The following MYOM3 variants were observed in gnomAD, a reference collection of about 807,000 sequenced individuals.
MYOM3 encodes myomesin-3.
Under a neutral mutation model 191.7 loss-of-function variants are expected in MYOM3, and 155 were observed. The observed-to-expected ratio is 0.81, with a 90% CI of 0.71 to 0.92. MYOM3 has a LOEUF of 0.92. Among genes scored for constraint, MYOM3 ranks in the 40% least tolerant of loss-of-function variants. The pLI, the probability that MYOM3 is intolerant of heterozygous loss-of-function variation, is 0.00. For missense variants in MYOM3, 1,889 were observed against 1,890.6 expected (o/e 1.00, Z 0.02); for synonymous variants, 757 against 762.9 (o/e 0.99, Z 0.13).
chr1:24,071,956 A>G lies in MYOM3; in HGVS notation c.3013+13T>C. ...GAACTGCACAAGGCTGGTAGCTTGG[A>G]CTGCTTGCTTACCTGGGTTTCTGAT... On this transcript the variant is annotated intron_variant, in intron 24 of 36. Coordinates refer to ENST00000374434, the MANE Select transcript of MYOM3 (RefSeq NM_152372.4). 6.2e-7 allele frequency: 1 copy of G among 1,613,812 alleles called. No individual in the cohort carries two copies. The highest frequency in any genetic ancestry group is 8.5e-7 in the Non-Finnish European group (1 of 1,179,840).
intron 11 of MYOM3, among the ~76,000 whole-genome samples, chr1:24,091,969 T>A (rs1422435515): frequency 1.3e-5 from 2 of 152,182 alleles, no homozygotes; most frequent in Non-Finnish European, 2.9e-5. Flanking sequence ...AGAATTCCAG[T>A]TATCAGCATG....
chr1:24,068,366 T>G lies in MYOM3; in HGVS notation c.3152A>C (p.Asn1051Thr). ...FNNKEIFSSPNRKINFDREKG... is the reference protein window; with the variant it reads ...FNNKEIFSSPTRKINFDREKG... ...CTCTCGGTCAAAATTGATTTTGCGG[T>G]TCTGAAAAGGACAAACTCCAGAGTC... Residue 1051 changes from asparagine (N) to threonine (T), a missense_variant and splice_region_variant, in exon 26 of 37, where the codon AAC becomes ACC. By Grantham distance (65) the Asn-to-Thr change is moderately conservative (BLOSUM62 0). Coordinates refer to ENST00000374434, the MANE Select transcript of MYOM3 (RefSeq NM_152372.4). The G allele has an allele frequency of 6.2e-7, 1 of 1,614,184 alleles. No individual in the cohort carries two copies. The highest frequency in any genetic ancestry group is 8.5e-7 in the Non-Finnish European group (1 of 1,180,006).
chr1:24,080,782 T>A (rs1243982591), intron 19 of MYOM3, among the ~76,000 whole-genome samples: 1 of 152,188 alleles, frequency 6.6e-6, no homozygotes, highest in Non-Finnish European at 1.5e-5. Context: ...TATCTGCCAC[T>A]GAGGTAGAGG....
rs750713879 is a variant in MYOM3 at position 24,057,446 on chromosome 1, T to C, written c.4232A>G (p.Asn1411Ser). The C allele has an allele frequency of 5.6e-6, 9 of 1,614,230 alleles. No individual in the cohort carries two copies. In the African/African-American group the frequency reaches 1.1e-4, roughly 19 times the overall value. ...CTGGCCCGTCTCGGAGCCATACTTG[T>C]TCTTGACGAAGACGCCGTAGCGGCC... Reference protein sequence around the residue: ...DSGRYGVFVKNKYGSETGQVT... With the variant: ...DSGRYGVFVKSKYGSETGQVT... Residue 1411 changes from asparagine (N) to serine (S), a missense_variant, in exon 37 of 37, where the codon AAC (asparagine) becomes AGC (serine). Coordinates refer to ENST00000374434, the MANE Select transcript of MYOM3 (RefSeq NM_152372.4).
At chr1:24,107,966 G>C (rs1475833908) in intron 3 of MYOM3, 27 bp downstream of exon 3, 1 of 1,601,086 alleles carries the variant, frequency 6.2e-7, no homozygotes, top group South Asian at 1.1e-5. Flanking sequence ...CTCAGCCACG[G>C]CTCCCTGGGA....
intron 14 of MYOM3, 40 bp from the exon 15 acceptor site, chr1:24,086,867 C>A (rs754171898): frequency 1.3e-6 from 2 of 1,593,006 alleles, no homozygotes; most frequent in Non-Finnish European, 8.6e-7. Flanking sequence ...AACTGGTCGC[C>A]CAGACCGGCT....
intron 22 of MYOM3, 129 bp from the exon 23 acceptor site, chr1:24,074,398 G>T: frequency 1.5e-6 from 1 of 649,064 alleles, no homozygotes; most frequent in Non-Finnish European, 2.7e-6. Context: ...GCCAAGTCAG[G>T]AAGCACAGGC....
At position 24,082,249 on chromosome 1, in the gene MYOM3, G is replaced by C. The variant is rs1377131811; in HGVS notation, c.2093-61C>G. ...CTAGGGGTGGCTGGATTGGACAGTG[G>C]GGCCTGAGGGAGCTGACGAGCCTCC... On this transcript the variant is annotated intron_variant, in intron 17 of 36. Coordinates refer to ENST00000374434, the MANE Select transcript of MYOM3 (RefSeq NM_152372.4). 1.5e-5 allele frequency: 21 copies of C among 1,434,620 alleles called. No homozygotes were observed. The East Asian group carries it at 4.9e-4, about 34-fold the overall frequency. The allele number at this position is 1,434,620 out of a possible 1,614,324, so 88.9% of individuals were successfully genotyped here. A position where few individuals can be genotyped will look rare whatever the true frequency, so the allele number is the denominator to read the frequency against.
intron 21 of MYOM3, 86 bp from the exon 22 acceptor site, chr1:24,075,561 C>T: frequency 7.3e-7 from 1 of 1,367,164 alleles, no homozygotes; most frequent in Non-Finnish European, 9.8e-7. Context: ...CCTCCAGGGC[C>T]TGCCTGTTGC....
chr1:24,067,839 G>A, intron 27 of MYOM3, 131 bp downstream of exon 27: 3 of 864,790 alleles, frequency 3.5e-6, no homozygotes, highest in Non-Finnish European at 5.8e-6. Flanking sequence ...CACTGGGACA[G>A]AACTGGACTG....
intron 27 of MYOM3, 53 bp from the exon 28 acceptor site, chr1:24,067,141 G>A (rs1212217171): frequency 2.0e-6 from 3 of 1,531,684 alleles, no homozygotes; most frequent in Admixed American, 3.9e-5. Context: ...CTCAGCCAGG[G>A]TGCCACCTGT....
At chr1:24,071,063 G>A in intron 25 of MYOM3, 54 bp downstream of exon 25, 2 of 1,592,974 alleles carry the variant, frequency 1.3e-6, no homozygotes, top group Non-Finnish European at 8.6e-7. Context: ...CATCCCGCGA[G>A]GCCACCTCCC....
intron 22 of MYOM3, among the ~76,000 whole-genome samples, chr1:24,074,476 C>G (rs1451081414): frequency 6.6e-6 from 1 of 152,202 alleles, no homozygotes; most frequent in East Asian, 1.9e-4. Flanking sequence ...ATTATCTGGG[C>G]TCTCTGGCAC....
In MYOM3 at chr1:24,063,227, A is replaced by G. The variant is rs1643393584; in HGVS notation, c.3669T>C (p.Ser1223=). 6.2e-7 allele frequency: 1 copy of G among 1,613,480 alleles called. No individual in the cohort carries two copies. ...FTELGRIGAL[S]ATPLKIQGTE... ...TCCCCTGGATTTTCAGTGGAGTTGC[A>G]GAGAGGGCTGGGGAGACAGAGGAGA... The change falls in exon 32 of 37, where the codon TCT becomes TCC. Residue 1223 remains serine, a synonymous_variant. Transcript: ENST00000374434. The surrounding 1 kb of genome is among the most constrained non-coding windows in gnomAD (Gnocchi z 4.5).
At chr1:24,062,939 A>G (rs1479538045) in intron 32 of MYOM3, among the ~76,000 whole-genome samples, 187 bp downstream of exon 32, 2 of 151,992 alleles carry the variant, frequency 1.3e-5, no homozygotes, top group African/African-American at 4.8e-5. Flanking sequence ...CTCTATCCTC[A>G]ACTCCTTCTG....
At chr1:24,062,897 G>A (rs563144369) in intron 32 of MYOM3, among the ~76,000 whole-genome samples, 33 of 152,240 alleles carry the variant, frequency 2.2e-4, no homozygotes, top group South Asian at 8.3e-4. Context: ...TGGGGATCTC[G>A]GCAAAGCCTT....
At chr1:24,084,755 C>T in intron 15 of MYOM3, 116 bp from the exon 16 acceptor site, 2 of 955,238 alleles carry the variant, frequency 2.1e-6, no homozygotes, top group Middle Eastern at 3.4e-4. Context: ...AATCAAGGTG[C>T]ATGAATTCCT....
Position 24,074,245 on chromosome 1 carries a change from G to A in MYOM3, c.2883C>T (p.Pro961=), listed in dbSNP as rs1273323576. The change falls in exon 23 of 37, where the codon CCC becomes CCT. Residue 961 remains proline (P), a synonymous_variant. Coordinates refer to ENST00000374434, the MANE Select transcript of MYOM3 (RefSeq NM_152372.4). ...VNKSKVILKE[P]GLEDLGTYSV... ...AGTAGGTGCCCAAATCCTCGAGGCC[G>A]GGTTCTTTCAGGATGACCTTGGACC... 2.5e-6 allele frequency: 4 copies of A among 1,614,050 alleles called. No individual in the cohort carries two copies. The highest frequency in any genetic ancestry group is 3.3e-5 in the Admixed American group (2 of 60,016).
rs1319938220 is a variant in MYOM3 at position 24,063,554 on chromosome 1, T to G, written c.3623-24A>C. 13 of 1,613,730 alleles carry G rather than the reference T, an allele frequency of 8.1e-6. No homozygotes were observed. Among genetic ancestry groups the G allele is most frequent in the Non-Finnish European group, 1.0e-5 (12 of 1,179,892 alleles). On this transcript the variant is annotated intron_variant, in intron 30 of 36. Coordinates refer to ENST00000374434, the MANE Select transcript of MYOM3 (RefSeq NM_152372.4). The surrounding 1 kb of genome is among the most constrained non-coding windows in gnomAD (Gnocchi z 4.5). ...GGCTGGCGGGAAACAGAGAGAAGGG[T>G]TAGCTGGCATAGGGCTCCCCTAGGG...
Sources: allele counts gnomAD v4.1 joint callset (sites outside exome capture counted in the v4.1 genomes callset), GRCh38; gene constraint gnomAD v4.1.1; non-coding constraint Gnocchi (gnomAD v3.1); transcripts MANE v1.5; gene names NCBI Gene and HGNC (gene_info 2026-07-23, HGNC 2026-07-21).